Variants in FCHSD2 observed in about 807,000 individuals in gnomAD.
FCHSD2 encodes FCH and double SH3 domains 2.
Under a neutral mutation model 108.1 loss-of-function variants are expected in FCHSD2, and 38 were observed. The observed-to-expected ratio is 0.35, with a 90% CI of 0.27 to 0.46. FCHSD2 has a LOEUF of 0.46. Among genes scored for constraint, FCHSD2 ranks in the 20% least tolerant of loss-of-function variants. The pLI, the probability that FCHSD2 is intolerant of heterozygous loss-of-function variation, is 1.00. For missense variants in FCHSD2, 751 were observed against 897.8 expected, an observed-to-expected ratio of 0.84 and a Z score of 2.09; for synonymous variants, 279 against 314.7, an observed-to-expected ratio of 0.89 and a Z score of 1.20.
At chr11:72,841,287 T>C (rs529295576) in intron 18 of FCHSD2, among the ~76,000 whole-genome samples, 167 bp downstream of exon 18, 2 of 128,468 alleles carry the variant, frequency 1.6e-5, no homozygotes, top group South Asian at 4.7e-4. Flanking sequence ...GCCGTGATCA[T>C]GCCACTGAAC....
At chr11:72,874,957 A>C (rs1294579696) in intron 12 of FCHSD2, among the ~76,000 whole-genome samples, 1 of 152,238 alleles carries the variant, frequency 6.6e-6, no homozygotes, top group Non-Finnish European at 1.5e-5. Context: ...AGCTTTTAAA[A>C]ATAGTATTTT....
chr11:73,061,926 T>C (rs1161116914), intron 3 of FCHSD2, among the ~76,000 whole-genome samples: 1 of 151,890 alleles, frequency 6.6e-6, no homozygotes, highest in East Asian at 1.9e-4. Context: ...CTGAAGAGAG[T>C]AGTGGACCTC....
At chr11:72,839,937 G>A (rs999700613) in intron 19 of FCHSD2, among the ~76,000 whole-genome samples, 1 of 152,126 alleles carries the variant, frequency 6.6e-6, no homozygotes, top group African/African-American at 2.4e-5. Flanking sequence ...GACAGGTGGC[G>A]GCAAGGCTGC....
chr11:73,009,004 T>C (rs1857802353), intron 4 of FCHSD2, among the ~76,000 whole-genome samples: 1 of 151,318 alleles, frequency 6.6e-6, no homozygotes, highest in African/African-American at 2.4e-5. Flanking sequence ...TTGAGAAGCA[T>C]TTACATAGAA....
chr11:73,124,688 G>A (rs969088229), intron 2 of FCHSD2, among the ~76,000 whole-genome samples: 3 of 151,946 alleles, frequency 2.0e-5, no homozygotes, highest in African/African-American at 4.8e-5. Flanking sequence ...CCAAGGGGGC[G>A]GAGGTTGCAG....
intron 8 of FCHSD2, among the ~76,000 whole-genome samples, chr11:72,978,978 TC>T (rs1857163241): frequency 1.3e-5 from 2 of 149,160 alleles, no homozygotes; most frequent in African/African-American, 2.5e-5. Context: ...TGCCTCAGCC[TC>T]CCTGAGTAGC....
intron 6 of FCHSD2, 66 bp downstream of exon 6, chr11:72,988,898 A>G: frequency 7.2e-7 from 1 of 1,384,562 alleles, no homozygotes; most frequent in South Asian, 1.3e-5. Context: ...CTAATAGAGA[A>G]CAAACTATTA....
At chr11:72,851,101 C>CAAAAAA (rs55916551) in intron 13 of FCHSD2, among the ~76,000 whole-genome samples, 3 of 70,108 alleles carry the variant, frequency 4.3e-5, no homozygotes, top group Non-Finnish European at 7.5e-5. Flanking sequence ...GACTCTGTCT[C>CAAAAAA]AAAAAAAAAA....
At chr11:72,857,613 A>ATT (rs761360218) in intron 13 of FCHSD2, among the ~76,000 whole-genome samples, 2 of 122,852 alleles carry the variant, frequency 1.6e-5, no homozygotes, top group African/African-American at 3.0e-5. Context: ...TAATTTTTGT[A>ATT]TTTTTTTTTT....
intron 8 of FCHSD2, among the ~76,000 whole-genome samples, chr11:72,949,031 T>C (rs1449836967): frequency 1.3e-5 from 2 of 152,210 alleles, no homozygotes; most frequent in Non-Finnish European, 2.9e-5. Context: ...TATTTTTTAT[T>C]GAGATATTAG....
chr11:73,104,599 C>T (rs1455052860), intron 2 of FCHSD2, among the ~76,000 whole-genome samples: 7 of 151,926 alleles, frequency 4.6e-5, no homozygotes, highest in South Asian at 4.2e-4. Context: ...GACAGACTCT[C>T]GCTCTGTCAC....
At chr11:72,908,021 C>G (rs758142811) in intron 9 of FCHSD2, among the ~76,000 whole-genome samples, 9 of 152,160 alleles carry the variant, frequency 5.9e-5, no homozygotes, top group Non-Finnish European at 7.3e-5. Context: ...TGGCTCCCCC[C>G]ACATCTGACT....
At chr11:72,996,226 T>C (rs1442151390) in intron 5 of FCHSD2, among the ~76,000 whole-genome samples, 1 of 152,242 alleles carries the variant, frequency 6.6e-6, no homozygotes, top group African/African-American at 2.4e-5. Flanking sequence ...TCCCACTCTG[T>C]TATTTACTAC....
At chr11:73,120,990 T>G (rs1461533868) in intron 2 of FCHSD2, among the ~76,000 whole-genome samples, 1 of 152,152 alleles carries the variant, frequency 6.6e-6, no homozygotes, top group Non-Finnish European at 1.5e-5. Flanking sequence ...GTTCAACGTT[T>G]GTTTAGACAA....
intron 5 of FCHSD2, among the ~76,000 whole-genome samples, chr11:72,999,866 GAC>G (rs138484535): frequency 7.0e-4 from 106 of 150,392 alleles, no homozygotes; most frequent in African/African-American, 1.8e-3. Flanking sequence ...TGCACAATCA[GAC>G]ACACACACAC....
At chr11:73,072,264 CAAT>C (rs1275770282) in intron 3 of FCHSD2, among the ~76,000 whole-genome samples, 2 of 151,632 alleles carry the variant, frequency 1.3e-5, no homozygotes, top group East Asian at 3.9e-4. Flanking sequence ...TCAGCATCAA[CAAT>C]GATTTCCTCT....
chr11:72,944,988 T>C (rs933218909), intron 8 of FCHSD2, among the ~76,000 whole-genome samples: 5 of 152,162 alleles, frequency 3.3e-5, no homozygotes, highest in South Asian at 2.1e-4. Context: ...AGGTAAATTA[T>C]AGATTCAATG....
chr11:72,946,496 G>GT (rs886814381), intron 8 of FCHSD2, among the ~76,000 whole-genome samples: 1 of 152,054 alleles, frequency 6.6e-6, no homozygotes, highest in African/African-American at 2.4e-5. Flanking sequence ...GTATACATAT[G>GT]TAACTAACCT....
chr11:73,125,971 C>A (rs1860845293), intron 2 of FCHSD2, among the ~76,000 whole-genome samples: 1 of 152,014 alleles, frequency 6.6e-6, no homozygotes, highest in African/African-American at 2.4e-5. Flanking sequence ...TGATATAAAA[C>A]CTTTGGATAA....
Sources: gnomAD v4.1 joint callset for allele counts (sites outside exome capture counted in the v4.1 genomes callset) on GRCh38, gnomAD v4.1.1 for gene constraint, MANE v1.5 for transcripts, NCBI Gene and HGNC (gene_info 2026-07-23, HGNC 2026-07-21) for gene names.